The following GALNTL6 variants were observed in gnomAD, a reference collection of about 807,000 sequenced individuals.
GALNTL6 encodes the protein polypeptide N-acetylgalactosaminyltransferase like 6.
Under a neutral mutation model 73.7 loss-of-function variants are expected in GALNTL6, and 46 were observed. That is an observed-to-expected ratio of 0.62 (90% confidence interval 0.49 to 0.80). The LOEUF (loss-of-function observed/expected upper bound fraction) is 0.80. GALNTL6 is among the 30% of genes least tolerant of loss of function. The probability of loss-of-function intolerance (pLI) is 0.00; values close to 1 mark genes in which losing one functional copy is unlikely to be tolerated. For synonymous variants in GALNTL6, 259 were observed against 263.7 expected (o/e 0.98, Z 0.17); for missense variants, 604 against 755.0 (o/e 0.80, Z 2.34).
chr4:172,009,244 G>A (rs1309744754), intron 2 of GALNTL6, among the ~76,000 whole-genome samples: 1 of 151,990 alleles, frequency 6.6e-6, no homozygotes, highest in Non-Finnish European at 1.5e-5. Flanking sequence ...TGCCTCGCTG[G>A]TGAGGGTAGA....
chr4:172,852,915 A>G (rs1213058733), intron 7 of GALNTL6, among the ~76,000 whole-genome samples: 3 of 152,212 alleles, frequency 2.0e-5, no homozygotes, highest in Admixed American at 2.0e-4. Flanking sequence ...TCACATAAAA[A>G]TATATATACT....
intron 7 of GALNTL6, among the ~76,000 whole-genome samples, chr4:172,846,041 A>G (rs1743489788): frequency 6.6e-6 from 1 of 152,368 alleles, no homozygotes; most frequent in East Asian, 1.9e-4. Flanking sequence ...CAATTGGAAG[A>G]TAGATAGCCA....
chr4:172,161,662 A>C (rs1216258303), intron 2 of GALNTL6, among the ~76,000 whole-genome samples: 1 of 152,008 alleles, frequency 6.6e-6, no homozygotes, highest in East Asian at 1.9e-4. Flanking sequence ...GTATTAAGGG[A>C]AACTAAGAGC....
Position 172,306,976 on chromosome 4 carries a change from C to T in GALNTL6, c.248-4638C>T, listed in dbSNP as rs1323768201. Among the ~76,000 whole-genome samples the T allele has an allele frequency of 2.0e-5, 3 of 152,102 alleles. No individual in the cohort carries two copies. The East Asian group carries it at 5.8e-4, about 29-fold the overall frequency. ...TGACTTCTTTCCTTCTGAGTGGATA[C>T]CCAGTAGAGGGCTTGTGAATCAAAT... On this transcript the variant is annotated intron_variant, in intron 3 of 12. Transcript: ENST00000506823.
intron 4 of GALNTL6, among the ~76,000 whole-genome samples, chr4:172,323,117 A>G (rs1307635854): frequency 6.6e-6 from 1 of 152,198 alleles, no homozygotes; most frequent in Non-Finnish European, 1.5e-5. Flanking sequence ...ATAAAATATC[A>G]TAATACATAA....
intron 3 of GALNTL6, among the ~76,000 whole-genome samples, chr4:172,247,620 A>G (rs1490942894): frequency 3.3e-5 from 5 of 152,140 alleles, no homozygotes; most frequent in African/African-American, 1.2e-4. Context: ...AACAATACAA[A>G]GCTGTGAAAC....
Position 172,348,514 on chromosome 4 carries a change from C to T in GALNTL6, c.387-9C>T, listed in dbSNP as rs747406490. ...TTTGACACACCATTTTCTTTTCCCT[C>T]ATCTCCAGCTGTAAGCATAAGATGT... On this transcript the variant is annotated splice_polypyrimidine_tract_variant and intron_variant, in intron 4 of 12. Transcript: ENST00000506823. 1.2e-6 allele frequency: 2 copies of T among 1,605,036 alleles called. No individual in the cohort carries two copies. The highest frequency in any genetic ancestry group is 2.2e-5 in the South Asian group (2 of 89,680).
chr4:172,524,356 C>G (rs13105650), intron 5 of GALNTL6, among the ~76,000 whole-genome samples: 5 of 151,998 alleles, frequency 3.3e-5, no homozygotes, highest in African/African-American at 1.2e-4. Flanking sequence ...TCAAGCGATT[C>G]TCCTGCTTCA....
At chr4:172,492,040 G>A (rs1247997446) in intron 5 of GALNTL6, among the ~76,000 whole-genome samples, 1 of 151,732 alleles carries the variant, frequency 6.6e-6, no homozygotes, top group Non-Finnish European at 1.5e-5. Context: ...TAGGCTATAG[G>A]GTCATAACAA....
chr4:172,038,014 G>A (rs1321114196), intron 2 of GALNTL6, among the ~76,000 whole-genome samples: 1 of 151,942 alleles, frequency 6.6e-6, no homozygotes, highest in East Asian at 1.9e-4. Flanking sequence ...AGCTACTTGG[G>A]AGGCTGAGGC....
intron 5 of GALNTL6, among the ~76,000 whole-genome samples, chr4:172,402,504 T>C (rs1296301576): frequency 6.6e-6 from 1 of 152,112 alleles, no homozygotes; most frequent in African/African-American, 2.4e-5. Flanking sequence ...CGGTGAAGGA[T>C]ACAATTTTAA....
At chr4:172,925,907 T>C (rs945370346) in intron 8 of GALNTL6, among the ~76,000 whole-genome samples, 3 of 152,210 alleles carry the variant, frequency 2.0e-5, no homozygotes, top group African/African-American at 7.2e-5. Flanking sequence ...GTAAACACCA[T>C]GTTAGAGTGA....
At chr4:172,423,210 C>G (rs1731110656) in intron 5 of GALNTL6, among the ~76,000 whole-genome samples, 1 of 152,102 alleles carries the variant, frequency 6.6e-6, no homozygotes, top group Middle Eastern at 3.4e-3. Context: ...TGAGATTTCA[C>G]TCTTTTCTTC....
At chr4:172,671,037 G>T (rs528103641) in intron 5 of GALNTL6, among the ~76,000 whole-genome samples, 2 of 152,252 alleles carry the variant, frequency 1.3e-5, no homozygotes, top group African/African-American at 4.8e-5. Flanking sequence ...ATACCATGTG[G>T]TTTTGGTTAC....
intron 9 of GALNTL6, among the ~76,000 whole-genome samples, chr4:172,931,652 A>T (rs920877342): frequency 1.3e-5 from 2 of 152,150 alleles, no homozygotes; most frequent in East Asian, 3.8e-4. Context: ...GTGTAGCAGG[A>T]TCTGTAATAA....
intron 3 of GALNTL6, among the ~76,000 whole-genome samples, chr4:172,247,341 C>T (rs994496393): frequency 6.6e-6 from 1 of 152,136 alleles, no homozygotes; most frequent in African/African-American, 2.4e-5. Context: ...TCACAGCCTT[C>T]TGAAATACTT....
At chr4:172,229,824 C>A in intron 3 of GALNTL6, 60 bp downstream of exon 3, 1 of 976,768 alleles carries the variant, frequency 1.0e-6, no homozygotes, top group Non-Finnish European at 1.6e-6. Flanking sequence ...TCATTTGTCA[C>A]GTAAAGGATC....
At chr4:172,192,065 G>A (rs959174165) in intron 2 of GALNTL6, among the ~76,000 whole-genome samples, 1 of 151,926 alleles carries the variant, frequency 6.6e-6, no homozygotes, top group African/African-American at 2.4e-5. Context: ...ATTAATAAGA[G>A]TTCATAAAAT....
chr4:172,887,225 A>G (rs1348066983), intron 8 of GALNTL6, among the ~76,000 whole-genome samples: 1 of 152,214 alleles, frequency 6.6e-6, no homozygotes, highest in Non-Finnish European at 1.5e-5. Context: ...ATCATAATTC[A>G]GTCCACCATT....
Sources: gnomAD v4.1 joint callset for allele counts (sites outside exome capture counted in the v4.1 genomes callset) on GRCh38, gnomAD v4.1.1 for gene constraint, MANE v1.5 for transcripts, NCBI Gene and HGNC (gene_info 2026-07-23, HGNC 2026-07-21) for gene names.